PCLO: variants seen among roughly 807,000 people sequenced by gnomAD.
PCLO encodes piccolo presynaptic cytomatrix protein, also known as protein piccolo.
Under a neutral mutation model 427.5 loss-of-function variants are expected in PCLO, and 82 were observed. That is an observed-to-expected ratio of 0.19 (90% confidence interval 0.16 to 0.23). PCLO has a LOEUF of 0.23. PCLO is among the 10% of genes least tolerant of loss of function. PCLO has a pLI of 1.00. For synonymous variants in PCLO, 2,357 were observed against 2,155.4 expected (o/e 1.09, Z -2.59); for missense variants, 6,239 against 6,115.9 (o/e 1.02, Z -0.67).
chr7:83,109,581 T>A (rs1464694213), intron 3 of PCLO, among the ~76,000 whole-genome samples: 1 of 152,202 alleles, frequency 6.6e-6, no homozygotes, highest in Non-Finnish European at 1.5e-5. Flanking sequence ...ATGTTTTAGC[T>A]ACCTACCCAT....
intron 8 of PCLO, among the ~76,000 whole-genome samples, chr7:82,907,304 T>C (rs1562849748): frequency 6.6e-6 from 1 of 151,980 alleles, no homozygotes; most frequent in Non-Finnish European, 1.5e-5. Context: ...AGTATCTGTG[T>C]TTTCTTTGAC....
rs1391537933 is a variant in PCLO at position 83,155,794 on chromosome 7, T to C, written c.847A>G (p.Thr283Ala). 6.2e-7 allele frequency: 1 copy of C among 1,613,808 alleles called. No individual in the cohort carries two copies. The highest frequency in any genetic ancestry group is 1.7e-5 in the Admixed American group (1 of 59,986). ...CCCCTTACTATGTCTGCCTGTTTAG[T>C]CTGAGGCCTGGATGCATCTCGTTGA... is the stretch of plus-strand genomic sequence containing the variant. ...PLQRDASRPQ[T>A]KQADIVRGES... The change falls in exon 2 of 25, where the codon ACT becomes GCT. Residue 283 changes from threonine (T) to alanine (A), a missense_variant. Physicochemically the swap from Thr to Ala is moderately conservative, Grantham distance 58 (BLOSUM62 0). Transcript: ENST00000333891.
chr7:82,775,843 A>C (rs1790738687), intron 22 of PCLO, among the ~76,000 whole-genome samples: 1 of 152,126 alleles, frequency 6.6e-6, no homozygotes, highest in Non-Finnish European at 1.5e-5. Flanking sequence ...TTTTGCATTA[A>C]AGTCTATAAT....
At position 83,099,673 on chromosome 7, in the gene PCLO, G is replaced by A. The variant is rs13234194; in HGVS notation, c.3300+34577C>T. Among the ~76,000 whole-genome samples the A allele has an allele frequency of 5.9e-5, 9 of 152,080 alleles. 1 individual carries two copies. The highest frequency in any genetic ancestry group is 2.6e-4 in the Admixed American group (4 of 15,262). Reference sequence around the variant, plus strand: ...CCTGAAGTGCAGGGATTACAGGCGTGAGCCACTGCGTCTGGCCAAAATACA... The same window carrying A: ...CCTGAAGTGCAGGGATTACAGGCGTAAGCCACTGCGTCTGGCCAAAATACA... On this transcript the variant is annotated intron_variant, in intron 3 of 24. Coordinates refer to ENST00000333891, the MANE Select transcript of PCLO (RefSeq NM_033026.6).
At chr7:82,976,634 C>A (rs1796023907) in intron 3 of PCLO, among the ~76,000 whole-genome samples, 1 of 151,978 alleles carries the variant, frequency 6.6e-6, no homozygotes, top group Non-Finnish European at 1.5e-5. Context: ...CAAGAAAGTG[C>A]ATTTTACTGG....
At chr7:82,868,557 T>C (rs1793153319) in intron 10 of PCLO, among the ~76,000 whole-genome samples, 1 of 152,238 alleles carries the variant, frequency 6.6e-6, no homozygotes, top group Non-Finnish European at 1.5e-5. Context: ...AAAGTATGCA[T>C]GAACTATAAT....
Position 82,954,367 on chromosome 7 carries a change from T to C in PCLO, c.6586A>G (p.Ser2196Gly). 2 of 1,613,894 alleles carry C rather than the reference T, an allele frequency of 1.2e-6. No homozygotes were observed. The highest frequency in any genetic ancestry group is 1.1e-5 in the South Asian group (1 of 91,082). ...SSVSSVCTTD[S>G]SSPITTLDSI... Reference sequence around the variant, plus strand: ...TCCAGGGTAGTAATGGGTGAAGAGCTATCTGTGGTACAGACCGAAGAAACA... The same window carrying C: ...TCCAGGGTAGTAATGGGTGAAGAGCCATCTGTGGTACAGACCGAAGAAACA... The change falls in exon 5 of 25, where the codon AGC becomes GGC. Residue 2196 changes from serine to glycine, a missense_variant. This residue lies in a region of PCLO where 4,677 missense variants were observed against 4,468.4 expected (regional missense o/e 1.05). Transcript: ENST00000333891.
chr7:82,950,653 A>C lies in PCLO; in HGVS notation c.9935T>G (p.Ile3312Ser), dbSNP rs1795318628. The stretch of plus-strand genomic sequence containing the variant: ...ATAGTTATACTGGTAGATCTGCCGA[A>C]TCTTTTGCTCCTCCAGCTGCTGGTG... ...QLHQQLEEQK[I>S]RQIYQYNYDP... Residue 3312 changes from isoleucine (I) to serine (S), a missense_variant, in exon 6 of 25, where the codon ATT becomes AGT. Ile to Ser is a moderately radical substitution (Grantham distance 142). Coordinates refer to ENST00000333891, the MANE Select transcript of PCLO (RefSeq NM_033026.6). The C allele has an allele frequency of 6.2e-7, 1 of 1,613,774 alleles. No individual in the cohort carries two copies. The highest frequency in any genetic ancestry group is 1.6e-4 in the Middle Eastern group (1 of 6,062).
At chr7:82,857,833 A>G (rs1792848296) in intron 10 of PCLO, among the ~76,000 whole-genome samples, 1 of 152,198 alleles carries the variant, frequency 6.6e-6, no homozygotes, top group Admixed American at 6.6e-5. Context: ...AAAGGAGGAG[A>G]GAGGTTTTAT....
chr7:82,898,029 C>T (rs1793948147), intron 9 of PCLO, among the ~76,000 whole-genome samples: 1 of 151,274 alleles, frequency 6.6e-6, no homozygotes, highest in Admixed American at 6.6e-5. Flanking sequence ...ATAAATAATA[C>T]TTTATTAAAA....
At chr7:83,140,999 T>C (rs993988575) in intron 2 of PCLO, among the ~76,000 whole-genome samples, 2 of 152,202 alleles carry the variant, frequency 1.3e-5, no homozygotes, top group African/African-American at 4.8e-5. Flanking sequence ...TCCTTATCAC[T>C]TCCTCCCCAT....
intron 2 of PCLO, among the ~76,000 whole-genome samples, chr7:83,136,752 G>GC (rs1183759313): frequency 4.6e-5 from 7 of 152,062 alleles, no homozygotes; most frequent in African/African-American, 1.4e-4. Context: ...GTACATGTAT[G>GC]CATGTGAATG....
chr7:82,773,144 C>T (rs62466896), intron 22 of PCLO, among the ~76,000 whole-genome samples: 9,628 of 152,148 alleles, frequency 0.063, 699 homozygotes, highest in African/African-American at 0.18. Flanking sequence ...GCAGAGCACC[C>T]ACCCAGGAAA....
At chr7:82,768,438 G>T (rs935411162) in intron 22 of PCLO, among the ~76,000 whole-genome samples, 9 of 148,198 alleles carry the variant, frequency 6.1e-5, no homozygotes, top group Admixed American at 6.0e-4. Context: ...AAAAAAAAAA[G>T]TATTAAAATG....
Position 82,953,766 on chromosome 7 carries a change from C to T in PCLO, c.7187G>A (p.Ser2396Asn), listed in dbSNP as rs201480100. ...LPAKPRPFFR[S>N]SSLDISAQPP... Reference sequence around the variant, plus strand: ...TTGAGCTGATATATCCAAAGAAGAACTTCTAAAGAATGGGCGAGGTTTAGC... The same window carrying T: ...TTGAGCTGATATATCCAAAGAAGAATTTCTAAAGAATGGGCGAGGTTTAGC... Residue 2396 changes from serine (S) to asparagine (N), a missense_variant, in exon 5 of 25, where the codon AGT becomes AAT. Physicochemically the swap from Ser to Asn is conservative, Grantham distance 46. This residue lies in a region of PCLO where 4,677 missense variants were observed against 4,468.4 expected (regional missense o/e 1.05). Coordinates refer to ENST00000333891, the MANE Select transcript of PCLO (RefSeq NM_033026.6). 37 of 1,562,320 alleles carry T rather than the reference C, an allele frequency of 2.4e-5. No homozygotes were observed. The African/African-American group carries it at 4.0e-4, about 17-fold the overall frequency.
chr7:83,129,494 T>C lies in PCLO; in HGVS notation c.3300+4756A>G, dbSNP rs939981036. 2.0e-5 allele frequency among the ~76,000 whole-genome samples: 3 copies of C among 152,300 alleles called. No homozygotes were observed. In the South Asian group the frequency reaches 6.2e-4, roughly 32 times the overall value. On this transcript the variant is annotated intron_variant, in intron 3 of 24. Coordinates refer to ENST00000333891, the MANE Select transcript of PCLO (RefSeq NM_033026.6). ...GATATTATTCAAGTTTGGAAGGCTA[T>C]AGTGAGAAAGAAATCACATACACTA...
At chr7:82,839,384 C>A (rs1467142193) in intron 14 of PCLO, among the ~76,000 whole-genome samples, 2 of 151,896 alleles carry the variant, frequency 1.3e-5, no homozygotes, top group African/African-American at 4.8e-5. Flanking sequence ...AATACATATT[C>A]AATTGCTTAT....
At chr7:83,081,562 A>G (rs12670202) in intron 3 of PCLO, among the ~76,000 whole-genome samples, 42,696 of 151,590 alleles carry the variant, frequency 0.28, 7,086 homozygotes, top group East Asian at 0.56. Context: ...AATTATCCAA[A>G]ATTTTTGTGA....
intron 9 of PCLO, among the ~76,000 whole-genome samples, chr7:82,899,630 C>T (rs1182354594): frequency 1.3e-5 from 2 of 151,356 alleles, no homozygotes; most frequent in African/African-American, 4.8e-5. Context: ...AGATATAGTA[C>T]ATTACTAGCA....
Sources: allele counts gnomAD v4.1 joint callset (sites outside exome capture counted in the v4.1 genomes callset), GRCh38; gene constraint gnomAD v4.1.1; regional missense constraint gnomAD v4.1.1; transcripts MANE v1.5; gene names NCBI Gene and HGNC (gene_info 2026-07-23, HGNC 2026-07-21).